ELMO1: variants seen among roughly 807,000 people sequenced by gnomAD.
ELMO1 encodes the protein engulfment and cell motility protein 1.
In ELMO1, 26 loss-of-function variants were observed where a neutral mutation model predicts 98.9. The observed-to-expected ratio is 0.26, with a 90% CI of 0.19 to 0.36. The LOEUF (loss-of-function observed/expected upper bound fraction) is 0.36. Ranked by LOEUF, ELMO1 falls within the 10% of genes least tolerant of loss-of-function variation. The pLI is 1.00. For missense variants in ELMO1, 627 were observed against 935.2 expected (o/e 0.67, Z 4.30); for synonymous variants, 346 against 346.0 (o/e 1.00, Z 0.00).
intron 16 of ELMO1, among the ~76,000 whole-genome samples, chr7:36,985,430 C>T (rs190621639): frequency 8.5e-5 from 13 of 152,086 alleles, no homozygotes; most frequent in African/African-American, 2.7e-4. Flanking sequence ...CAGTGGCACA[C>T]GGAGAAGAGA....
chr7:37,247,895 A>ATGTGTGTGTGTGTGTGTG lies in ELMO1; in HGVS notation c.414-3522_414-3505dup, dbSNP rs58502667. 2.1e-3 allele frequency among the ~76,000 whole-genome samples: 307 copies of ATGTGTGTGTGTGTGTGTG among 146,638 alleles called. 1 individual carries two copies. The highest frequency in any genetic ancestry group is 6.3e-3 in the African/African-American group (254 of 40,016). On this transcript the variant is annotated intron_variant, in intron 6 of 21. Transcript: ENST00000310758. ...AAGTTTAAAATGGTTTTGAAATAAA[A>ATGTGTGTGTGTGTGTGTG]TGTGTGTGTGTGTGTGTGTGTGTGT...
At chr7:37,018,128 ATTT>A (rs34247625) in intron 15 of ELMO1, among the ~76,000 whole-genome samples, 4 of 144,880 alleles carry the variant, frequency 2.8e-5, no homozygotes, top group African/African-American at 2.5e-5. Context: ...ATTAGTTACT[ATTT>A]TTTTTTTTTT....
intron 16 of ELMO1, among the ~76,000 whole-genome samples, chr7:36,911,143 C>T (rs892644307): frequency 1.3e-5 from 2 of 152,090 alleles, no homozygotes; most frequent in Non-Finnish European, 2.9e-5. Flanking sequence ...CTGGAAAGGA[C>T]AATAAAAAAT....
At chr7:37,175,101 GGAAAA>G (rs2129889594) in intron 13 of ELMO1, among the ~76,000 whole-genome samples, 1 of 152,090 alleles carries the variant, frequency 6.6e-6, no homozygotes, top group African/African-American at 2.4e-5. Flanking sequence ...AAGGAAGGCG[GGAAAA>G]GAAAAGAGAA....
intron 1 of ELMO1, among the ~76,000 whole-genome samples, chr7:37,404,165 A>G (rs1170477794): frequency 6.6e-6 from 1 of 152,134 alleles, no homozygotes; most frequent in Non-Finnish European, 1.5e-5. Flanking sequence ...ATCAGTCCAG[A>G]AAGAAATTCA....
intron 16 of ELMO1, among the ~76,000 whole-genome samples, chr7:36,930,280 T>C (rs959204768): frequency 2.0e-5 from 3 of 152,210 alleles, no homozygotes; most frequent in Admixed American, 1.3e-4. Flanking sequence ...AGCAAGCCAG[T>C]GTTAGGCTAA....
intron 14 of ELMO1, among the ~76,000 whole-genome samples, chr7:37,102,834 A>G (rs752382262): frequency 9.9e-5 from 15 of 152,252 alleles, no homozygotes; most frequent in Non-Finnish European, 5.9e-5. Context: ...TTGGTTACCA[A>G]TTCCTATTGA....
At position 37,042,211 on chromosome 7, in the gene ELMO1, G is replaced by GAA. The variant is rs35969834; in HGVS notation, c.1301-28778_1301-28777dup. On this transcript the variant is annotated intron_variant, in intron 15 of 21. Coordinates refer to ENST00000310758, the MANE Select transcript of ELMO1 (RefSeq NM_014800.11). The stretch of plus-strand genomic sequence containing the variant: ...GTGAGACTCTGTTTTTCTGACTTTT[G>GAA]AAAAAAAAAAAAAAAAGAAGAGAGA... Among the ~76,000 whole-genome samples the GAA allele has an allele frequency of 2.3e-3, 217 of 93,530 alleles. 4 individuals carry two copies. The highest frequency in any genetic ancestry group is 7.2e-3 in the African/African-American group (199 of 27,736). The allele number at this position is 93,530 out of a possible 152,430, so 61.4% of individuals were successfully genotyped here.
rs1156877701 is a variant in ELMO1, at chr7:36,903,215, A to G, written c.1438-8198T>C. ...TTCATTCCTGCCCTTCCTCCTATCC[A>G]TGACTATTACCTTCCTTCTAGCCCC... On this transcript the variant is annotated intron_variant, in intron 16 of 21. Transcript: ENST00000310758. Among the ~76,000 whole-genome samples, 8 of 152,080 alleles carry G rather than the reference A, an allele frequency of 5.3e-5. No individual in the cohort carries two copies. The East Asian group carries it at 1.5e-3, about 29-fold the overall frequency.
At chr7:37,144,958 T>C (rs1316257430) in intron 13 of ELMO1, among the ~76,000 whole-genome samples, 1 of 152,238 alleles carries the variant, frequency 6.6e-6, no homozygotes, top group Non-Finnish European at 1.5e-5. Context: ...CCATACACCA[T>C]GGCCACTGGA....
intron 14 of ELMO1, among the ~76,000 whole-genome samples, chr7:37,132,697 G>A (rs17170897): frequency 0.027 from 4,086 of 152,272 alleles, 151 homozygotes; most frequent in African/African-American, 0.081. Flanking sequence ...GACGTGAAAT[G>A]TAAGAAGGCA....
chr7:37,338,489 A>C (rs1800541944), intron 2 of ELMO1, among the ~76,000 whole-genome samples: 1 of 152,172 alleles, frequency 6.6e-6, no homozygotes, highest in Non-Finnish European at 1.5e-5. Context: ...CAGAACTGTG[A>C]ACAATAAATT....
Position 36,855,235 on chromosome 7 carries a change from C to T in ELMO1, c.*316G>A. On this transcript the variant is annotated 3_prime_UTR_variant, in exon 22 of 22. Transcript: ENST00000310758. The surrounding 1 kb of genome is among the most constrained non-coding windows in gnomAD (Gnocchi z 4.2). The stretch of plus-strand genomic sequence containing the variant: ...CTTTCCTGCCCAAGGGAAGGAAGGG[C>T]ATGCCTGCAGAGGGCTAGGATGGAA... 1 of 360,838 alleles carries T rather than the reference C, an allele frequency of 2.8e-6. No individual in the cohort carries two copies. Among genetic ancestry groups the T allele is most frequent in the Non-Finnish European group, 5.2e-6 (1 of 192,410 alleles). The allele number at this position is 360,838 out of a possible 1,614,324, so 22.4% of individuals were successfully genotyped here.
intron 4 of ELMO1, among the ~76,000 whole-genome samples, chr7:37,310,268 G>A (rs189474011): frequency 4.6e-5 from 7 of 152,288 alleles, no homozygotes; most frequent in Middle Eastern, 3.4e-3. Context: ...CAGTATGGAG[G>A]AAGTGAGTAT....
intron 4 of ELMO1, among the ~76,000 whole-genome samples, chr7:37,296,984 CT>C (rs1240414471): frequency 6.6e-6 from 1 of 152,134 alleles, no homozygotes; most frequent in African/African-American, 2.4e-5. Flanking sequence ...AGCGAACTTG[CT>C]GAGATGATTT....
At chr7:36,971,834 C>G (rs750357035) in intron 16 of ELMO1, among the ~76,000 whole-genome samples, 1 of 152,084 alleles carries the variant, frequency 6.6e-6, no homozygotes, top group Non-Finnish European at 1.5e-5. Context: ...ATAGGACATG[C>G]TAGCTATTCT....
chr7:36,969,415 T>C (rs923703881), intron 16 of ELMO1, among the ~76,000 whole-genome samples: 1 of 152,230 alleles, frequency 6.6e-6, no homozygotes, highest in Non-Finnish European at 1.5e-5. Flanking sequence ...GTGATAATGA[T>C]ATGTGGTGAA....
At chr7:37,278,909 A>T (rs538278357) in intron 4 of ELMO1, among the ~76,000 whole-genome samples, 82 of 152,248 alleles carry the variant, frequency 5.4e-4, no homozygotes, top group African/African-American at 1.9e-3. Context: ...GACGTATGAG[A>T]GTGTGTGAGG....
rs140485720 is a variant in ELMO1 at position 37,104,799 on chromosome 7, T to G, written c.1192-8072A>C. 2.0e-5 allele frequency among the ~76,000 whole-genome samples: 3 copies of G among 148,600 alleles called. No homozygotes were observed. The East Asian group carries it at 5.9e-4, about 29-fold the overall frequency. On this transcript the variant is annotated intron_variant, in intron 14 of 21. Coordinates refer to ENST00000310758, the MANE Select transcript of ELMO1 (RefSeq NM_014800.11). ...TTTCCAAGAGCCAAATAACAATGCA[T>G]CCCAGGAAAAGGAGAAAAAGAATGT...
Sources: allele counts gnomAD v4.1 joint callset (sites outside exome capture counted in the v4.1 genomes callset), GRCh38; gene constraint gnomAD v4.1.1; non-coding constraint Gnocchi (gnomAD v3.1); transcripts MANE v1.5; gene names NCBI Gene and HGNC (gene_info 2026-07-23, HGNC 2026-07-21).